NKAIN2: variants seen among roughly 807,000 people sequenced by gnomAD.
NKAIN2 encodes sodium/potassium-transporting ATPase subunit beta-1-interacting protein 2.
A neutral mutation model predicts 32.6 loss-of-function variants in NKAIN2; 14 were observed. The observed-to-expected ratio is 0.43, with a 90% CI of 0.28 to 0.67. The LOEUF is 0.67. Among genes scored for constraint, NKAIN2 ranks in the 30% least tolerant of loss-of-function variants. NKAIN2 has a pLI of 0.17. For synonymous variants in NKAIN2, 80 were observed against 87.2 expected, an observed-to-expected ratio of 0.92 and a Z score of 0.46; for missense variants, 198 against 258.3, an observed-to-expected ratio of 0.77 and a Z score of 1.60.
chr6:123,878,153 G>A (rs1773257392), intron 1 of NKAIN2, among the ~76,000 whole-genome samples: 1 of 151,906 alleles, frequency 6.6e-6, no homozygotes, highest in South Asian at 2.1e-4. Flanking sequence ...TTGAACCCGG[G>A]AGGCGGAGGT....
intron 1 of NKAIN2, among the ~76,000 whole-genome samples, chr6:123,969,765 AG>A (rs1002482858): frequency 3.9e-5 from 6 of 152,168 alleles, no homozygotes; most frequent in Non-Finnish European, 7.4e-5. Context: ...GAGTAAAGAA[AG>A]GAAGGATTTT....
At position 124,825,184 on chromosome 6, in the gene NKAIN2, T is replaced by C. The variant is rs1228859886; in HGVS notation, c.*1955T>C. 3.9e-5 allele frequency: 6 copies of C among 152,646 alleles called. No homozygotes were observed. The highest frequency in any genetic ancestry group is 1.2e-4 in the African/African-American group (5 of 41,466). The allele number at this position is 152,646 out of a possible 1,614,324, so 9.5% of individuals were successfully genotyped here. A position where few individuals can be genotyped will look rare whatever the true frequency, so the allele number is the denominator to read the frequency against. ...TGACTTTTAATGTGACTATTAAAAA[T>C]GAGGTTTCACTGTACATTCATGCTG... On this transcript the variant is annotated 3_prime_UTR_variant, in exon 7 of 7. Coordinates refer to ENST00000368417, the MANE Select transcript of NKAIN2 (RefSeq NM_001040214.3).
At chr6:123,848,511 C>T (rs1400574542) in intron 1 of NKAIN2, among the ~76,000 whole-genome samples, 1 of 152,154 alleles carries the variant, frequency 6.6e-6, no homozygotes, top group Non-Finnish European at 1.5e-5. Flanking sequence ...TCACCCTTTG[C>T]TTGGAATTTC....
chr6:124,478,852 A>C (rs1005417121), intron 3 of NKAIN2, among the ~76,000 whole-genome samples: 1 of 152,158 alleles, frequency 6.6e-6, no homozygotes, highest in Admixed American at 6.6e-5. Context: ...ACAGTATGGA[A>C]GTGAGGGTGA....
At chr6:124,819,387 C>T (rs761746251) in intron 6 of NKAIN2, among the ~76,000 whole-genome samples, 2 of 152,044 alleles carry the variant, frequency 1.3e-5, no homozygotes, top group East Asian at 1.9e-4. Context: ...AATCTTGCAC[C>T]GTGCCTGCCT....
intron 1 of NKAIN2, among the ~76,000 whole-genome samples, chr6:123,972,735 T>G (rs572273965): frequency 6.6e-6 from 1 of 152,254 alleles, no homozygotes; most frequent in African/African-American, 2.4e-5. Flanking sequence ...GCCACTAATA[T>G]TGACCATGCC....
At chr6:124,104,256 T>C (rs1282563286) in intron 1 of NKAIN2, among the ~76,000 whole-genome samples, 1 of 152,216 alleles carries the variant, frequency 6.6e-6, no homozygotes, top group African/African-American at 2.4e-5. Flanking sequence ...TCAGATTCAG[T>C]ATCTTCATGG....
At chr6:124,343,822 G>C (rs1338815028) in intron 2 of NKAIN2, among the ~76,000 whole-genome samples, 1 of 147,356 alleles carries the variant, frequency 6.8e-6, no homozygotes, top group African/African-American at 2.4e-5. Context: ...CTGTGCAGAA[G>C]CTCTTTAGTT....
intron 4 of NKAIN2, among the ~76,000 whole-genome samples, chr6:124,780,798 C>T (rs1779228367): frequency 6.6e-6 from 1 of 152,308 alleles, no homozygotes; most frequent in African/African-American, 2.4e-5. Context: ...ATATGTCTAA[C>T]ATAAGAAGCC....
At chr6:124,462,155 A>G (rs1776557455) in intron 3 of NKAIN2, among the ~76,000 whole-genome samples, 1 of 151,882 alleles carries the variant, frequency 6.6e-6, no homozygotes. Context: ...TAAAAGCATT[A>G]CCTACAAAGT....
chr6:123,962,379 AG>A (rs1777886055), intron 1 of NKAIN2, among the ~76,000 whole-genome samples: 1 of 152,182 alleles, frequency 6.6e-6, no homozygotes, highest in Non-Finnish European at 1.5e-5. Flanking sequence ...ATCATTTCAA[AG>A]ATGGACACGA....
chr6:124,429,894 CTAGAAAGAATTA>C (rs1775140299), intron 3 of NKAIN2, among the ~76,000 whole-genome samples: 1 of 151,822 alleles, frequency 6.6e-6, no homozygotes, highest in African/African-American at 2.4e-5. Context: ...GTGCAAGATG[CTAGAAAGAATTA>C]GCATCGGGGA....
intron 1 of NKAIN2, among the ~76,000 whole-genome samples, chr6:123,853,183 T>G (rs1775422139): frequency 6.6e-6 from 1 of 152,176 alleles, no homozygotes; most frequent in South Asian, 2.1e-4. Flanking sequence ...AGCTTTATCT[T>G]GGAGGAAAAA....
chr6:124,036,192 T>C (rs9491054), intron 1 of NKAIN2, among the ~76,000 whole-genome samples: 18,637 of 152,074 alleles, frequency 0.12, 3,495 homozygotes, highest in African/African-American at 0.41. Flanking sequence ...CACGCCAGAT[T>C]TTCAGGTAAA....
At chr6:124,440,612 A>G (rs769996826) in intron 3 of NKAIN2, among the ~76,000 whole-genome samples, 1 of 152,052 alleles carries the variant, frequency 6.6e-6, no homozygotes, top group Non-Finnish European at 1.5e-5. Context: ...CTAGTTTCCA[A>G]ACTAAGAATA....
chr6:124,197,818 A>G (rs1021494239), intron 1 of NKAIN2, among the ~76,000 whole-genome samples: 3 of 143,710 alleles, frequency 2.1e-5, no homozygotes, highest in African/African-American at 7.7e-5. Context: ...TTCCTTTTTC[A>G]GAGTATAACC....
intron 3 of NKAIN2, among the ~76,000 whole-genome samples, chr6:124,550,849 A>C (rs994811618): frequency 2.6e-5 from 4 of 152,178 alleles, no homozygotes; most frequent in African/African-American, 7.2e-5. Context: ...AAAATGAGGA[A>C]GTTTCTGTTT....
chr6:124,756,024 A>AAATGAACG (rs1554261452), intron 4 of NKAIN2, among the ~76,000 whole-genome samples: 2 of 151,790 alleles, frequency 1.3e-5, no homozygotes, highest in Non-Finnish European at 2.9e-5. Flanking sequence ...AATACTTATT[A>AAATGAACG]AATGAATGAA....
At chr6:124,239,543 GTC>G (rs928750760) in intron 1 of NKAIN2, among the ~76,000 whole-genome samples, 4 of 152,098 alleles carry the variant, frequency 2.6e-5, no homozygotes, top group African/African-American at 9.7e-5. Flanking sequence ...ATAAAAAACA[GTC>G]TCTCAGACCA....
Sources: gnomAD v4.1 joint callset for allele counts (sites outside exome capture counted in the v4.1 genomes callset) on GRCh38, gnomAD v4.1.1 for gene constraint, MANE v1.5 for transcripts, NCBI Gene and HGNC (gene_info 2026-07-23, HGNC 2026-07-21) for gene names.